The following AKT1 variants were observed in gnomAD, a reference collection of about 807,000 sequenced individuals.
AKT1 encodes AKT serine/threonine kinase 1.
Under a neutral mutation model 63.1 loss-of-function variants are expected in AKT1, and 21 were observed. That is an observed-to-expected ratio of 0.33 (90% CI 0.24 to 0.48). AKT1 has a LOEUF of 0.48. Among genes scored for constraint, AKT1 ranks in the 20% least tolerant of loss-of-function variants. The pLI is 0.99. For missense variants in AKT1, 382 were observed against 666.0 expected, an observed-to-expected ratio of 0.57 and a Z score of 4.69; for synonymous variants, 257 against 253.1, an observed-to-expected ratio of 1.02 and a Z score of -0.15.
intron 3 of AKT1, among the ~76,000 whole-genome samples, chr14:104,791,464 G>C (rs997172627): frequency 5.9e-5 from 9 of 152,122 alleles, no homozygotes; most frequent in Non-Finnish European, 1.2e-4. Flanking sequence ...TTCATCTCGA[G>C]GCCCCGCGTG....
intron 3 of AKT1, among the ~76,000 whole-genome samples, chr14:104,781,969 T>C (rs1180636712): frequency 6.6e-6 from 1 of 152,170 alleles, no homozygotes; most frequent in Non-Finnish European, 1.5e-5. Context: ...CGAGCAGGCG[T>C]GGTCCTGCCA....
chr14:104,774,167 A>C, intron 8 of AKT1, 187 bp from the exon 9 acceptor site: 3 of 515,716 alleles, frequency 5.8e-6, no homozygotes, highest in Non-Finnish European at 1.0e-5. Flanking sequence ...CCCACACCAC[A>C]CACCCCATCA....
intron 3 of AKT1, among the ~76,000 whole-genome samples, chr14:104,789,302 G>T (rs1566825358): frequency 6.6e-6 from 1 of 152,256 alleles, no homozygotes; most frequent in Non-Finnish European, 1.5e-5. Context: ...TGGACGGGGG[G>T]ACGCTCAGGA....
At chr14:104,777,645 A>T in intron 4 of AKT1, 6 of 987,292 alleles carry the variant, frequency 6.1e-6, no homozygotes, top group Non-Finnish European at 7.2e-6. Context: ...GGTGTGAGTG[A>T]GTGGAGTGTG....
intron 8 of AKT1, 69 bp from the exon 9 acceptor site, chr14:104,774,049 CACCACGCTGCTTGAT>C (rs1253404643): frequency 1.4e-6 from 2 of 1,458,442 alleles, no homozygotes; most frequent in African/African-American, 1.4e-5. Context: ...CGCTGCCCGA[CACCACGCTGCTTGAT>C]ACCACGTCGC....
chr14:104,790,652 T>C (rs1009238062), intron 3 of AKT1, among the ~76,000 whole-genome samples: 1 of 152,176 alleles, frequency 6.6e-6, no homozygotes, highest in African/African-American at 2.4e-5. Context: ...GCATATGTCA[T>C]ATCCACGCCA....
At position 104,770,337 on chromosome 14, in the gene AKT1, C is replaced by T. The variant is rs756226133; in HGVS notation, c.*4G>A. On this transcript the variant is annotated 3_prime_UTR_variant, in exon 15 of 15. Transcript: ENST00000649815. ...GCTATCGTCCAGCGCAGTCCACCGC[C>T]GCCTCAGGCCGTGCCGCTGGCCGAG... 5.6e-6 allele frequency: 9 copies of T among 1,608,952 alleles called. No individual in the cohort carries two copies. The highest frequency in any genetic ancestry group is 1.3e-5 in the African/African-American group (1 of 74,914).
intron 3 of AKT1, among the ~76,000 whole-genome samples, chr14:104,788,499 C>T (rs1893449716): frequency 6.6e-6 from 1 of 152,238 alleles, no homozygotes; most frequent in Admixed American, 6.5e-5. Context: ...GCCAAGGCCT[C>T]CTCCAGGATG....
At position 104,770,172 on chromosome 14, in the gene AKT1, G is replaced by A. The variant is rs921830745; in HGVS notation, c.*169C>T. The A allele has an allele frequency of 1.7e-5, 12 of 688,650 alleles. No individual in the cohort carries two copies. The highest frequency in any genetic ancestry group is 7.2e-5 in the Admixed American group (3 of 41,678). The allele number at this position is 688,650 out of a possible 1,614,324, so 42.7% of individuals were successfully genotyped here. On this transcript the variant is annotated 3_prime_UTR_variant, in exon 15 of 15. Transcript: ENST00000649815. The stretch of plus-strand genomic sequence containing the variant: ...ATAGTTTTCTTCCCTACCCCGCTGC[G>A]GGGGAGGGTGCTGCCCACAGCACAA...
At chr14:104,782,134 C>T (rs562279052) in intron 3 of AKT1, among the ~76,000 whole-genome samples, 66 of 152,166 alleles carry the variant, frequency 4.3e-4, no homozygotes, top group African/African-American at 1.6e-3. Context: ...GGCAGGGGCG[C>T]TCAGTGAGAG....
chr14:104,775,442 C>G (rs1277456016), intron 6 of AKT1: 2 of 1,071,778 alleles, frequency 1.9e-6, no homozygotes, highest in Non-Finnish European at 2.6e-6. Flanking sequence ...TTGCCCAAGC[C>G]TGGCAGGGCT....
At chr14:104,773,875 G>A in intron 9 of AKT1, 37 bp downstream of exon 9, 1 of 1,570,534 alleles carries the variant, frequency 6.4e-7, no homozygotes, top group Middle Eastern at 2.2e-4. Context: ...GCGGCCCACA[G>A]GCCGCGAAGT....
In AKT1 at chr14:104,779,348, C is replaced by A. The variant is rs146926204; in HGVS notation, c.175+740G>T. Among the ~76,000 whole-genome samples the A allele has an allele frequency of 3.7e-3, 557 of 152,360 alleles. 4 individuals carry two copies. The highest frequency in any genetic ancestry group is 0.013 in the African/African-American group (526 of 41,594). On this transcript the variant is annotated intron_variant, in intron 4 of 14. Coordinates refer to ENST00000649815, the MANE Select transcript of AKT1 (RefSeq NM_001382430.1). ...AAGGCTCTGCCATGGGGTCTGGAGGCTGAGAGCCTGTGCAGGGAGAGGCAC... is the reference window on the plus strand; with the variant it reads ...AAGGCTCTGCCATGGGGTCTGGAGGATGAGAGCCTGTGCAGGGAGAGGCAC...
chr14:104,770,499 A>C (rs899933750), intron 14 of AKT1, 79 bp from the exon 15 acceptor site: 33 of 1,379,572 alleles, frequency 2.4e-5, no homozygotes, highest in Non-Finnish European at 3.2e-5. Flanking sequence ...GTAGGAAGCC[A>C]ACCTCTTAAA....
rs371662174 is a variant in AKT1, at chr14:104,772,080, G to A, written c.1260+285C>T. The A allele has an allele frequency of 2.4e-4, 131 of 544,990 alleles. 3 individuals carry two copies. The East Asian group carries it at 3.9e-3, about 16-fold the overall frequency. The allele number at this position is 544,990 out of a possible 1,614,324, so 33.8% of individuals were successfully genotyped here. On this transcript the variant is annotated intron_variant, in intron 13 of 14. Coordinates refer to ENST00000649815, the MANE Select transcript of AKT1 (RefSeq NM_001382430.1). ...GAACCCCAAGGCTGGCACTCAGAGT[G>A]TGACACACCTCCGAGGGGAGGAGGA...
intron 1 of AKT1, chr14:104,794,106 G>A (rs955919052): frequency 1.3e-5 from 2 of 152,448 alleles, no homozygotes; most frequent in African/African-American, 2.4e-5. Flanking sequence ...GGACAGGGAA[G>A]ACCACACCTT....
intron 3 of AKT1, among the ~76,000 whole-genome samples, chr14:104,792,012 C>T (rs898774460): frequency 6.6e-6 from 1 of 152,346 alleles, no homozygotes; most frequent in Middle Eastern, 3.4e-3. Context: ...CAGCTCCCAT[C>T]CCACCCAGCT....
At chr14:104,776,839 C>T (rs761663491) in intron 4 of AKT1, 69 bp from the exon 5 acceptor site, 35 of 1,361,516 alleles carry the variant, frequency 2.6e-5, no homozygotes, top group Admixed American at 5.4e-5. Flanking sequence ...CCACAGCCCC[C>T]GCTGCACCAG....
At chr14:104,770,617 C>A (rs1892331276) in intron 14 of AKT1, 128 bp downstream of exon 14, 1 of 1,014,366 alleles carries the variant, frequency 9.9e-7, no homozygotes. Context: ...ATCATTGGCA[C>A]TCTCCAAAAG....
Sources: gnomAD v4.1 joint callset for allele counts (sites outside exome capture counted in the v4.1 genomes callset) on GRCh38, gnomAD v4.1.1 for gene constraint, MANE v1.5 for transcripts, NCBI Gene and HGNC (gene_info 2026-07-23, HGNC 2026-07-21) for gene names.